The following MNAT1 variants were observed in gnomAD, a reference collection of about 807,000 sequenced individuals.
MNAT1 encodes the protein CDK-activating kinase assembly factor MAT1.
A neutral mutation model predicts 42.0 loss-of-function variants in MNAT1; 43 were observed. The observed-to-expected ratio is 1.02, with a 90% CI of 0.80 to 1.32. MNAT1 has a LOEUF of 1.32. Ranked by LOEUF, MNAT1 falls within the 40% of genes most tolerant of loss-of-function variation. MNAT1 has a pLI of 0.00. For synonymous variants in MNAT1, 118 were observed against 120.0 expected (o/e 0.98, Z 0.11); for missense variants, 306 against 350.4 (o/e 0.87, Z 1.01).
At chr14:60,743,449 C>T (rs1297944961) in intron 1 of MNAT1, among the ~76,000 whole-genome samples, 2 of 152,046 alleles carry the variant, frequency 1.3e-5, no homozygotes, top group Admixed American at 6.6e-5. Context: ...CCACCATGCC[C>T]GGCTAATTTT....
intron 7 of MNAT1, among the ~76,000 whole-genome samples, chr14:60,893,589 G>A (rs529492544): frequency 6.6e-6 from 1 of 152,260 alleles, no homozygotes; most frequent in African/African-American, 2.4e-5. Flanking sequence ...CAAGAGCTGA[G>A]TATTCTGTAT....
chr14:60,819,807 A>G (rs1297727548), intron 6 of MNAT1, among the ~76,000 whole-genome samples: 1 of 152,214 alleles, frequency 6.6e-6, no homozygotes, highest in South Asian at 2.1e-4. Context: ...TGCCTTTCCA[A>G]TAAGCCTTTT....
rs57354716 is a variant in MNAT1, at chr14:60,929,170, A to AATATATATATAT, written c.810-39046_810-39035dup. ...TCCCAAAAAAAAAAAAAAAAAAAAAAATATATATATATATATATATATATG... is the reference window on the plus strand; with the variant it reads ...TCCCAAAAAAAAAAAAAAAAAAAAAAATATATATATATATATATATATATATATATATATATG... On this transcript the variant is annotated intron_variant, in intron 7 of 7. Coordinates refer to ENST00000261245, the MANE Select transcript of MNAT1 (RefSeq NM_002431.4). 3.6e-4 allele frequency among the ~76,000 whole-genome samples: 17 copies of AATATATATATAT among 47,462 alleles called. 1 individual carries two copies. Among genetic ancestry groups the AATATATATATAT allele is most frequent in the African/African-American group, 1.4e-3 (12 of 8,496 alleles). The allele number at this position is 47,462 out of a possible 152,430, so 31.1% of individuals were successfully genotyped here.
intron 1 of MNAT1, among the ~76,000 whole-genome samples, chr14:60,783,668 T>C (rs1379132262): frequency 6.6e-6 from 1 of 151,824 alleles, no homozygotes; most frequent in Non-Finnish European, 1.5e-5. Flanking sequence ...AGCTAATTTT[T>C]TGTATTTTCA....
intron 6 of MNAT1, among the ~76,000 whole-genome samples, chr14:60,873,762 T>C (rs1024945861): frequency 2.0e-5 from 3 of 152,062 alleles, no homozygotes; most frequent in Non-Finnish European, 4.4e-5. Context: ...TAAGCCACTG[T>C]GCCTGGCTCT....
At chr14:60,818,077 A>T (rs943495513) in intron 5 of MNAT1, among the ~76,000 whole-genome samples, 2 of 152,042 alleles carry the variant, frequency 1.3e-5, no homozygotes, top group African/African-American at 4.8e-5. Flanking sequence ...ACTTCTTGTT[A>T]AACAGAATAA....
intron 7 of MNAT1, among the ~76,000 whole-genome samples, chr14:60,903,885 T>TTTG: frequency 6.6e-6 from 1 of 150,628 alleles, no homozygotes; most frequent in Non-Finnish European, 1.5e-5. Context: ...TTTTTTTTTT[T>TTTG]TCTTTTTGAT....
At chr14:60,772,916 CATTTATTTATTTATTT>C (rs201818233) in intron 1 of MNAT1, among the ~76,000 whole-genome samples, 1 of 141,826 alleles carries the variant, frequency 7.1e-6, no homozygotes, top group East Asian at 2.0e-4. Flanking sequence ...TTTTTTAAAA[CATTTATTTATTTATTT>C]ATTTATTTAT....
intron 7 of MNAT1, among the ~76,000 whole-genome samples, chr14:60,888,797 A>G (rs982390649): frequency 1.6e-5 from 2 of 128,512 alleles, no homozygotes; most frequent in African/African-American, 5.8e-5. Context: ...ATTCTTATAC[A>G]CCAACAACAG....
chr14:60,789,277 G>C (rs1017420740), intron 1 of MNAT1, among the ~76,000 whole-genome samples: 2 of 152,084 alleles, frequency 1.3e-5, no homozygotes, highest in Non-Finnish European at 2.9e-5. Flanking sequence ...TCTTATATGG[G>C]TGCTTTTCAT....
chr14:60,859,347 T>C (rs1310347423), intron 6 of MNAT1, among the ~76,000 whole-genome samples: 2 of 152,206 alleles, frequency 1.3e-5, no homozygotes, highest in Non-Finnish European at 2.9e-5. Flanking sequence ...TTATGTCTAC[T>C]TCTGAGATTC....
chr14:60,909,752 C>T (rs1285559702), intron 7 of MNAT1, among the ~76,000 whole-genome samples: 5 of 152,020 alleles, frequency 3.3e-5, no homozygotes, highest in Admixed American at 1.3e-4. Context: ...TGAAGTCAGG[C>T]AGCGTGATGC....
intron 6 of MNAT1, among the ~76,000 whole-genome samples, chr14:60,833,492 A>G (rs1342088196): frequency 6.6e-6 from 1 of 152,110 alleles, no homozygotes; most frequent in African/African-American, 2.4e-5. Flanking sequence ...TTTGATTTGC[A>G]TATGTTGAAC....
intron 6 of MNAT1, among the ~76,000 whole-genome samples, chr14:60,879,061 G>A (rs1421298184): frequency 6.7e-6 from 1 of 150,288 alleles, no homozygotes; most frequent in Non-Finnish European, 1.5e-5. Context: ...CTCACAAATT[G>A]ATGCAGATGG....
At chr14:60,949,804 G>A (rs532093517) in intron 7 of MNAT1, among the ~76,000 whole-genome samples, 1 of 152,086 alleles carries the variant, frequency 6.6e-6, no homozygotes, top group South Asian at 2.1e-4. Flanking sequence ...TTTCTAAAGT[G>A]ATGTTTTTTC....
chr14:60,774,780 A>G (rs1190833305), intron 1 of MNAT1, among the ~76,000 whole-genome samples: 1 of 152,206 alleles, frequency 6.6e-6, no homozygotes, highest in Non-Finnish European at 1.5e-5. Context: ...GAAGCCTCCT[A>G]GGTTTTTGGC....
intron 1 of MNAT1, among the ~76,000 whole-genome samples, chr14:60,793,356 T>TTTTA (rs371538777): frequency 9.2e-5 from 14 of 151,850 alleles, no homozygotes; most frequent in Admixed American, 5.3e-4. Context: ...TTTCCTGTTA[T>TTTTA]TTTATTTATT....
intron 1 of MNAT1, among the ~76,000 whole-genome samples, chr14:60,736,668 C>G (rs923577873): frequency 6.6e-6 from 1 of 152,112 alleles, no homozygotes; most frequent in African/African-American, 2.4e-5. Context: ...TTGGAATGAG[C>G]CTGTCTGATT....
intron 1 of MNAT1, among the ~76,000 whole-genome samples, chr14:60,746,947 C>T (rs1337082114): frequency 0.3 from 8,454 of 27,848 alleles, 1,944 homozygotes; most frequent in Non-Finnish European, 0.59. Flanking sequence ...CACACACACA[C>T]ACACACACAC....
Sources: allele counts gnomAD v4.1 joint callset (sites outside exome capture counted in the v4.1 genomes callset), GRCh38; gene constraint gnomAD v4.1.1; transcripts MANE v1.5; gene names NCBI Gene and HGNC (gene_info 2026-07-23, HGNC 2026-07-21).